Variants in MAP4 observed in about 807,000 individuals in gnomAD.
MAP4 encodes microtubule-associated protein 4.
A neutral mutation model predicts 170.2 loss-of-function variants in MAP4; 76 were observed. The observed-to-expected ratio is 0.45, with a 90% CI of 0.37 to 0.54. MAP4 has a LOEUF of 0.54. Among genes scored for constraint, MAP4 ranks in the 20% least tolerant of loss-of-function variants. MAP4 has a pLI of 0.00. For synonymous variants in MAP4, 909 were observed against 994.5 expected (o/e 0.91, Z 1.62); for missense variants, 2,506 against 2,748.0 (o/e 0.91, Z 1.97).
intron 17 of MAP4, among the ~76,000 whole-genome samples, chr3:47,866,068 G>C (rs905990624): frequency 6.6e-6 from 1 of 152,212 alleles, no homozygotes; most frequent in Non-Finnish European, 1.5e-5. Context: ...TCTGGGCGCA[G>C]TGGCTCACAC....
At chr3:48,073,064 A>G (rs1217529000) in intron 1 of MAP4, among the ~76,000 whole-genome samples, 2 of 149,502 alleles carry the variant, frequency 1.3e-5, no homozygotes, top group Non-Finnish European at 3.0e-5. Context: ...AACCCTGTCT[A>G]CTAAAAATGG....
Position 47,855,179 on chromosome 3 carries a change from G to A in MAP4, c.6696+69C>T. 2 of 1,076,162 alleles carry A rather than the reference G, an allele frequency of 1.9e-6. No homozygotes were observed. Among genetic ancestry groups the A allele is most frequent in the South Asian group, 1.3e-5 (1 of 78,266 alleles). 66.7% of individuals were successfully genotyped at this position (1,076,162 alleles called of 1,614,324 possible). A position where few individuals can be genotyped will look rare whatever the true frequency, so the allele number is the denominator to read the frequency against. On this transcript the variant is annotated intron_variant, in intron 19 of 20. Transcript: ENST00000683076. This position sits in a 1 kb window ranked among gnomAD's most constrained non-coding sequence, Gnocchi z 5.1. The stretch of plus-strand genomic sequence containing the variant: ...GGCGGTGACAGGTGCCTACCTGTGA[G>A]GACCCTGACCCTAACTGCATAGTTC...
At chr3:47,891,052 C>T (rs1357016398) in intron 10 of MAP4, 5 of 1,502,276 alleles carry the variant, frequency 3.3e-6, no homozygotes, top group South Asian at 2.6e-5. Flanking sequence ...CAAACAGGAA[C>T]GATGGAGTGC....
chr3:47,932,932 C>T (rs1031529680), intron 3 of MAP4, among the ~76,000 whole-genome samples: 1 of 151,954 alleles, frequency 6.6e-6, no homozygotes, highest in African/African-American at 2.4e-5. Context: ...TGAGACAGTC[C>T]TGCTCTGTTG....
chr3:48,002,206 A>C (rs1301831797), intron 1 of MAP4, among the ~76,000 whole-genome samples: 1 of 149,676 alleles, frequency 6.7e-6, no homozygotes, highest in East Asian at 2.0e-4. Flanking sequence ...GCATCACTGC[A>C]CTCTAGCCTG....
intron 1 of MAP4, among the ~76,000 whole-genome samples, chr3:48,015,318 C>T (rs868644091): frequency 6.6e-6 from 1 of 152,148 alleles, no homozygotes; most frequent in South Asian, 2.1e-4. Context: ...AGACAAGGAA[C>T]CATAAAGATA....
intron 1 of MAP4, among the ~76,000 whole-genome samples, chr3:48,059,138 C>T (rs925118997): frequency 3.3e-5 from 5 of 152,088 alleles, no homozygotes; most frequent in Non-Finnish European, 5.9e-5. Context: ...GTAGAGTCAG[C>T]AGTCAGTAAA....
intron 1 of MAP4, among the ~76,000 whole-genome samples, chr3:48,005,658 C>T (rs1323163177): frequency 6.6e-6 from 1 of 152,132 alleles, no homozygotes; most frequent in Admixed American, 6.5e-5. Context: ...GGAAGGCATC[C>T]AAAAGCTTAG....
chr3:47,995,078 T>C (rs148149991), intron 2 of MAP4, among the ~76,000 whole-genome samples: 246 of 152,180 alleles, frequency 1.6e-3, no homozygotes, highest in Middle Eastern at 6.8e-3. Flanking sequence ...GTACATCCCT[T>C]TGGACCAATT....
At chr3:47,862,545 T>G (rs1219834837) in intron 17 of MAP4, among the ~76,000 whole-genome samples, 2 of 152,106 alleles carry the variant, frequency 1.3e-5, no homozygotes, top group Non-Finnish European at 2.9e-5. Flanking sequence ...TGGCGTGATC[T>G]TGCCTCACTG....
intron 3 of MAP4, among the ~76,000 whole-genome samples, chr3:47,949,420 T>G (rs2100062197): frequency 6.9e-6 from 1 of 145,450 alleles, no homozygotes; most frequent in Admixed American, 7.0e-5. Context: ...GAGCCGAGAT[T>G]GTCCCACTGC....
chr3:47,986,405 A>G (rs989747918), intron 2 of MAP4, among the ~76,000 whole-genome samples: 1 of 152,106 alleles, frequency 6.6e-6, no homozygotes, highest in Non-Finnish European at 1.5e-5. Context: ...CAGTGGCACA[A>G]TCTCAGCTCA....
chr3:47,914,993 T>A, intron 7 of MAP4, 54 bp from the exon 8 acceptor site: 5 of 1,609,470 alleles, frequency 3.1e-6, no homozygotes, highest in Non-Finnish European at 4.2e-6. Flanking sequence ...ATTTCAGCTA[T>A]TTTCCATCTG....
At chr3:48,063,051 A>G (rs1343026959) in intron 1 of MAP4, among the ~76,000 whole-genome samples, 1 of 151,834 alleles carries the variant, frequency 6.6e-6, no homozygotes, top group Non-Finnish European at 1.5e-5. Context: ...GTTCAATAAC[A>G]TATGTCATCA....
rs1206588341 is a variant in MAP4, at chr3:47,911,127, G to A, written c.3294C>T (p.Leu1098=). ...LDSQKDGRAV[L]IPSEPVSKTE... ...TTTTAGAGACTGGCTCACTCGGTATGAGAACAGCCCTTCCGTCCTTCTGGC... is the reference window on the plus strand; with the variant it reads ...TTTTAGAGACTGGCTCACTCGGTATAAGAACAGCCCTTCCGTCCTTCTGGC... Residue 1098 remains leucine, a synonymous_variant, in exon 9 of 21, where the codon CTC becomes CTT. Transcript: ENST00000683076. The surrounding 1 kb of genome is among the most constrained non-coding windows in gnomAD (Gnocchi z 4.0). The A allele has an allele frequency of 2.0e-6, 3 of 1,535,990 alleles. No homozygotes were observed. Among genetic ancestry groups the A allele is most frequent in the Non-Finnish European group, 2.6e-6 (3 of 1,146,910 alleles).
At chr3:48,008,006 G>C (rs118186589) in intron 1 of MAP4, among the ~76,000 whole-genome samples, 2 of 152,086 alleles carry the variant, frequency 1.3e-5, no homozygotes, top group South Asian at 2.1e-4. Context: ...AGTGGAAATT[G>C]AATGTTTGAC....
intron 10 of MAP4, among the ~76,000 whole-genome samples, chr3:47,878,531 C>A (rs949377900): frequency 3.3e-5 from 5 of 152,034 alleles, no homozygotes; most frequent in Non-Finnish European, 5.9e-5. Flanking sequence ...AATAAAAAAA[C>A]CCCACTGAAA....
intron 3 of MAP4, among the ~76,000 whole-genome samples, chr3:47,938,917 T>C (rs1384729515): frequency 6.6e-6 from 1 of 152,236 alleles, no homozygotes; most frequent in Non-Finnish European, 1.5e-5. Context: ...ACACAAAACA[T>C]TATTACGGCA....
chr3:47,923,776 C>A (rs2100044307), intron 4 of MAP4, among the ~76,000 whole-genome samples: 1 of 151,960 alleles, frequency 6.6e-6, no homozygotes, highest in African/African-American at 2.4e-5. Context: ...GTGGTTGTAC[C>A]ACTGAGCTAC....
Sources: gnomAD v4.1 joint callset for allele counts (sites outside exome capture counted in the v4.1 genomes callset) on GRCh38, gnomAD v4.1.1 for gene constraint, Gnocchi (gnomAD v3.1) non-coding constraint, MANE v1.5 for transcripts, NCBI Gene and HGNC (gene_info 2026-07-23, HGNC 2026-07-21) for gene names.